The following NBAS variants were observed in gnomAD, a reference collection of about 807,000 sequenced individuals.
NBAS encodes NBAS subunit of NRZ tethering complex.
A neutral mutation model predicts 302.5 loss-of-function variants in NBAS; 219 were observed. That is an observed-to-expected ratio of 0.72 (90% CI 0.65 to 0.81). NBAS has a LOEUF of 0.81. Ranked by LOEUF, NBAS falls within the 30% of genes least tolerant of loss-of-function variation. The probability of loss-of-function intolerance (pLI) is 0.00; values close to 1 mark genes in which losing one functional copy is unlikely to be tolerated. For missense variants in NBAS, 2,932 were observed against 2,841.6 expected, an observed-to-expected ratio of 1.03 and a Z score of -0.72; for synonymous variants, 1,118 against 1,021.6, an observed-to-expected ratio of 1.09 and a Z score of -1.80.
chr2:14,969,619 C>T, the NBAS span, among the ~76,000 whole-genome samples: 7 of 152,128 alleles, frequency 4.6e-5, no homozygotes, highest in East Asian at 1.9e-4. Flanking sequence ...GCAGGTGATC[C>T]GCCTGCCTCG....
chr2:15,257,805 T>G (rs1377545813), intron 44 of NBAS, among the ~76,000 whole-genome samples: 1 of 152,232 alleles, frequency 6.6e-6, no homozygotes, highest in Non-Finnish European at 1.5e-5. Flanking sequence ...ATTCAAAGAA[T>G]TAAGTGAATC....
intron 42 of NBAS, among the ~76,000 whole-genome samples, chr2:15,284,304 T>TA (rs1669948124): frequency 6.6e-6 from 1 of 152,234 alleles, no homozygotes; most frequent in Non-Finnish European, 1.5e-5. Flanking sequence ...ATCTTACCAC[T>TA]AAATAATTTA....
chr2:15,463,788 CA>C lies in NBAS; in HGVS notation c.2098-1998del, dbSNP rs55808465. ...AATCCTCATTCAAATGAACCAAATGCAAAAAAAAAAAAAAAAAGCACCAGGA... is the reference window on the plus strand; with the variant it reads ...AATCCTCATTCAAATGAACCAAATGCAAAAAAAAAAAAAAAAGCACCAGGA... On this transcript the variant is annotated intron_variant, in intron 19 of 51. Coordinates refer to ENST00000281513, the MANE Select transcript of NBAS (RefSeq NM_015909.4). Among the ~76,000 whole-genome samples, 129 of 91,616 alleles carry C rather than the reference CA, an allele frequency of 1.4e-3. 1 individual carries two copies. The highest frequency in any genetic ancestry group is 5.9e-3 in the East Asian group (14 of 2,364). The allele number at this position is 91,616 out of a possible 152,430, so 60.1% of individuals were successfully genotyped here.
chr2:15,207,046 C>A (rs1666180473), intron 48 of NBAS, among the ~76,000 whole-genome samples: 1 of 152,144 alleles, frequency 6.6e-6, no homozygotes, highest in South Asian at 2.1e-4. Context: ...ACAGCTTGCA[C>A]TGTGCACCTG....
the NBAS span, among the ~76,000 whole-genome samples, chr2:14,873,027 G>T: frequency 6.6e-6 from 1 of 152,338 alleles, no homozygotes; most frequent in Non-Finnish European, 1.5e-5. Flanking sequence ...AAAGTTCCAC[G>T]TGCGGAAGGG....
chr2:15,473,703 C>A (rs1245966305), intron 15 of NBAS, among the ~76,000 whole-genome samples: 1 of 152,154 alleles, frequency 6.6e-6, no homozygotes, highest in African/African-American at 2.4e-5. Flanking sequence ...ACCTCGGCTT[C>A]CCAAGCAAGC....
chr2:15,360,343 A>AC (rs1000693874), intron 32 of NBAS, among the ~76,000 whole-genome samples: 1 of 121,708 alleles, frequency 8.2e-6, no homozygotes, highest in African/African-American at 2.6e-5. Flanking sequence ...AAAAAAAAAA[A>AC]AAACAAAACA....
At chr2:15,093,249 CTACTAAAAA>C in the NBAS span, among the ~76,000 whole-genome samples, 1 of 152,118 alleles carries the variant, frequency 6.6e-6, no homozygotes, top group Non-Finnish European at 1.5e-5. Flanking sequence ...AACCCCGTCT[CTACTAAAAA>C]TACAAAAATT....
intron 12 of NBAS, among the ~76,000 whole-genome samples, chr2:15,480,888 T>C (rs971170754): frequency 2.6e-5 from 4 of 152,194 alleles, no homozygotes; most frequent in Non-Finnish European, 4.4e-5. Context: ...CTTAGTGCAT[T>C]TACCATGTTG....
chr2:15,321,471 G>C (rs1282942414), intron 38 of NBAS, among the ~76,000 whole-genome samples: 2 of 152,088 alleles, frequency 1.3e-5, no homozygotes, highest in African/African-American at 4.8e-5. Context: ...CTACAGAATG[G>C]GAGAAAATTT....
the NBAS span, among the ~76,000 whole-genome samples, chr2:15,129,031 G>T: frequency 6.6e-6 from 1 of 152,242 alleles, no homozygotes; most frequent in African/African-American, 2.4e-5. Flanking sequence ...GAGTGCCCAT[G>T]GGCGGGCCCT....
intron 19 of NBAS, among the ~76,000 whole-genome samples, chr2:15,462,708 C>T (rs528928860): frequency 6.6e-6 from 1 of 152,164 alleles, no homozygotes; most frequent in African/African-American, 2.4e-5. Context: ...CTAAAAGGAG[C>T]TATGCAGCGA....
At chr2:15,239,386 T>TGC (rs1290287147) in intron 44 of NBAS, among the ~76,000 whole-genome samples, 3 of 100,446 alleles carry the variant, frequency 3.0e-5, no homozygotes, top group Non-Finnish European at 4.3e-5. Flanking sequence ...TGTGTATGTG[T>TGC]GCGTGTGTGT....
intron 28 of NBAS, among the ~76,000 whole-genome samples, chr2:15,385,453 G>A (rs1675241982): frequency 1.3e-5 from 2 of 152,064 alleles, no homozygotes; most frequent in South Asian, 4.1e-4. Flanking sequence ...TGTAAGTACA[G>A]GTTCTAATAA....
intron 30 of NBAS, among the ~76,000 whole-genome samples, chr2:15,375,416 G>C (rs1674687006): frequency 6.6e-6 from 1 of 152,184 alleles, no homozygotes; most frequent in South Asian, 2.1e-4. Context: ...AGATTAGAAA[G>C]ACAGATCAGG....
intron 44 of NBAS, among the ~76,000 whole-genome samples, chr2:15,262,519 G>A (rs1471093608): frequency 6.6e-6 from 1 of 152,154 alleles, no homozygotes; most frequent in Non-Finnish European, 1.5e-5. Context: ...TCAGAATATA[G>A]AGTAATTTTC....
rs141959751 is a variant in NBAS, at chr2:15,303,688, G to C, written c.4797+4528C>G. 9.9e-5 allele frequency among the ~76,000 whole-genome samples: 15 copies of C among 152,266 alleles called. No individual in the cohort carries two copies. The East Asian group carries it at 2.9e-3, about 29-fold the overall frequency. ...TGAGTCACAAACAGTACATGCATTAGGACTTTTCATTTTGGTACAAAGTAA... is the reference window on the plus strand; with the variant it reads ...TGAGTCACAAACAGTACATGCATTACGACTTTTCATTTTGGTACAAAGTAA... On this transcript the variant is annotated intron_variant, in intron 40 of 51. Transcript: ENST00000281513.
the NBAS span, among the ~76,000 whole-genome samples, chr2:15,045,798 A>G: frequency 6.6e-6 from 1 of 152,222 alleles, no homozygotes; most frequent in Non-Finnish European, 1.5e-5. Flanking sequence ...ATTGTTTTCC[A>G]TATGGCTATA....
In NBAS at chr2:15,379,791, T is replaced by A. The variant is rs1218589493; in HGVS notation, c.3401A>T (p.Asn1134Ile). 1 of 1,614,010 alleles carries A rather than the reference T, an allele frequency of 6.2e-7. No individual in the cohort carries two copies. Among genetic ancestry groups the A allele is most frequent in the East Asian group, 2.2e-5 (1 of 44,852 alleles). Residue 1134 changes from asparagine (N) to isoleucine (I), a missense_variant, in exon 30 of 52, where the codon AAC (asparagine) becomes ATC (isoleucine). Asn to Ile is a moderately radical substitution (Grantham distance 149, BLOSUM62 -3). Transcript: ENST00000281513. ...ESLLCSSRLE[N>I]IHLAGQMMHC... Reference sequence around the variant, plus strand: ...CATCATCTGTCCAGCCAGGTGGATGTTTTCAAGGCGACTAGAGCACAGAAG... The same window carrying A: ...CATCATCTGTCCAGCCAGGTGGATGATTTCAAGGCGACTAGAGCACAGAAG...
Sources: allele counts gnomAD v4.1 joint callset (sites outside exome capture counted in the v4.1 genomes callset), GRCh38; gene constraint gnomAD v4.1.1; transcripts MANE v1.5; gene names NCBI Gene and HGNC (gene_info 2026-07-23, HGNC 2026-07-21).